Variants in CD163 observed in about 807,000 individuals in gnomAD.
CD163 encodes scavenger receptor cysteine-rich type 1 protein M130.
A neutral mutation model predicts 129.2 loss-of-function variants in CD163; 64 were observed. That is an observed-to-expected ratio of 0.50 (90% confidence interval 0.41 to 0.61). CD163 has a LOEUF of 0.61. Among genes scored for constraint, CD163 ranks in the 20% least tolerant of loss-of-function variants. The probability of loss-of-function intolerance (pLI) is 0.00; values close to 1 mark genes in which losing one functional copy is unlikely to be tolerated. For synonymous variants in CD163, 446 were observed against 478.5 expected, an observed-to-expected ratio of 0.93 and a Z score of 0.89; for missense variants, 1,061 against 1,377.9, an observed-to-expected ratio of 0.77 and a Z score of 3.64.
chr12:7,479,283 C>T (rs181413445), intron 16 of CD163, among the ~76,000 whole-genome samples: 5 of 152,242 alleles, frequency 3.3e-5, no homozygotes, highest in East Asian at 3.9e-4. Flanking sequence ...TCAGTGCTCA[C>T]GGTGCCACTT....
rs1949407210 is a variant in CD163 at position 7,496,760 on chromosome 12, T to C, written c.1099+53A>G. The C allele has an allele frequency of 6.5e-7, 1 of 1,528,270 alleles. No individual in the cohort carries two copies. Among genetic ancestry groups the C allele is most frequent in the Non-Finnish European group, 9.1e-7 (1 of 1,104,228 alleles). 94.7% of individuals were successfully genotyped at this position (1,528,270 alleles called of 1,614,324 possible). ...CTCTTAAGGAGCACAGGACTTTCCG[T>C]TTCTGCTTTTCTTTTTGTTTAGTGT... On this transcript the variant is annotated intron_variant, in intron 5 of 16. Transcript: ENST00000432237. This position sits in a 1 kb window ranked among gnomAD's most constrained non-coding sequence, Gnocchi z 4.8.
Position 7,495,408 on chromosome 12 carries a change from A to C in CD163, c.1100-7T>G. The C allele has an allele frequency of 6.2e-7, 1 of 1,611,294 alleles. No homozygotes were observed. The highest frequency in any genetic ancestry group is 8.5e-7 in the Non-Finnish European group (1 of 1,177,624). On this transcript the variant is annotated splice_region_variant and splice_polypyrimidine_tract_variant and intron_variant, in intron 5 of 16. Coordinates refer to ENST00000432237, the MANE Select transcript of CD163 (RefSeq NM_203416.4). ...AGCTCCAGATCTGATCCATCTGCAA[A>C]AGAAACATAAACTTAAACCATCGAT...
chr12:7,475,600 G>C (rs773203415), intron 16 of CD163, among the ~76,000 whole-genome samples: 1 of 152,054 alleles, frequency 6.6e-6, no homozygotes, highest in Non-Finnish European at 1.5e-5. Context: ...AAAATAATAA[G>C]AGCTAATTAT....
chr12:7,485,131 G>A lies in CD163; in HGVS notation c.2744C>T (p.Ala915Val). The change falls in exon 11 of 17, where the codon GCC becomes GTC. Residue 915 changes from alanine to valine, a missense_variant. Ala to Val is a moderately conservative substitution (Grantham distance 64). Coordinates refer to ENST00000432237, the MANE Select transcript of CD163 (RefSeq NM_203416.4). This position sits in a 1 kb window ranked among gnomAD's most constrained non-coding sequence, Gnocchi z 4.5. ...CPSSPWEKRL[A>V]SPSEETWITC... ...GATCCAGGTCTCCTCCGAGGGGCTG[G>A]CCAGTCTCTTCTCCCATGGAGATGA... 2 of 1,612,520 alleles carry A rather than the reference G, an allele frequency of 1.2e-6. No homozygotes were observed. The highest frequency in any genetic ancestry group is 1.7e-6 in the Non-Finnish European group (2 of 1,178,926).
Position 7,495,089 on chromosome 12 carries a change from G to A in CD163, c.1412C>T (p.Thr471Ile), listed in dbSNP as rs199837971. 1 of 1,613,306 alleles carries A rather than the reference G, an allele frequency of 6.2e-7. No homozygotes were observed. The highest frequency in any genetic ancestry group is 8.5e-7 in the Non-Finnish European group (1 of 1,179,262). The change falls in exon 6 of 17, where the codon ACC becomes ATC. Residue 471 changes from threonine to isoleucine, a missense_variant. Thr to Ile is a moderately conservative substitution (Grantham distance 89). Coordinates refer to ENST00000432237, the MANE Select transcript of CD163 (RefSeq NM_203416.4). Reference protein sequence around the residue: ...TCDHYEEAKITCSAHREPRLV... With the variant: ...TCDHYEEAKIICSAHREPRLV... ...TTGATTGAAAGTCATACCTGAGCAG[G>A]TAATTTTGGCTTCTTCATAGTGATC...
chr12:7,472,489 G>C (rs1296515109), intron 16 of CD163, among the ~76,000 whole-genome samples: 2 of 152,188 alleles, frequency 1.3e-5, no homozygotes. Flanking sequence ...GGGCCTGACT[G>C]TTATAAGAAA....
At chr12:7,503,161 A>T (rs1949517333) in intron 1 of CD163, among the ~76,000 whole-genome samples, 1 of 152,192 alleles carries the variant, frequency 6.6e-6, no homozygotes, top group African/African-American at 2.4e-5. Context: ...CTGTATCCTT[A>T]TCACATAATA....
Position 7,485,328 on chromosome 12 carries a change from A to G in CD163, c.2547T>C (p.Thr849=). ...LEVFYNGAWG[T]VGKSSMSETT... ...TTTCAGACATGCTACTCTTGCCAAC[A>G]GTGCCCCAAGCTCCATTGTAAAAAA... The change falls in exon 11 of 17, where the codon ACT becomes ACC. Residue 849 remains threonine, a synonymous_variant. Coordinates refer to ENST00000432237, the MANE Select transcript of CD163 (RefSeq NM_203416.4). This position sits in a 1 kb window ranked among gnomAD's most constrained non-coding sequence, Gnocchi z 4.5. 6.2e-7 allele frequency: 1 copy of G among 1,614,204 alleles called. No homozygotes were observed. The highest frequency in any genetic ancestry group is 1.1e-5 in the South Asian group (1 of 91,086).
At chr12:7,489,765 T>C (rs1949303058) in intron 6 of CD163, among the ~76,000 whole-genome samples, 2 of 152,244 alleles carry the variant, frequency 1.3e-5, no homozygotes, top group Admixed American at 1.3e-4. Context: ...ACAGTTTTCA[T>C]AGATTCCCTA....
In CD163 at chr12:7,499,138, C is replaced by T; in HGVS notation, c.508G>A (p.Gly170Arg). The change falls in exon 4 of 17, where the codon GGA becomes AGA. Residue 170 changes from glycine (G) to arginine (R), a missense_variant. Coordinates refer to ENST00000432237, the MANE Select transcript of CD163 (RefSeq NM_203416.4). ...CCTTGGAATTTGATCTCTATTCTTC[C>T]AGAACACATATTCCCTCCACGCGTC... Reference protein sequence around the residue: ...RLTRGGNMCSGRIEIKFQGRW... With the variant: ...RLTRGGNMCSRRIEIKFQGRW... The T allele has an allele frequency of 6.2e-7, 1 of 1,613,890 alleles. No homozygotes were observed. The highest frequency in any genetic ancestry group is 8.5e-7 in the Non-Finnish European group (1 of 1,179,994).
At chr12:7,475,111 A>AC (rs1362965970) in intron 16 of CD163, among the ~76,000 whole-genome samples, 1 of 150,042 alleles carries the variant, frequency 6.7e-6, no homozygotes, top group African/African-American at 2.4e-5. Flanking sequence ...AAAAAAAAAA[A>AC]AAAAAAACCA....
chr12:7,488,021 C>T lies in CD163; in HGVS notation c.1487G>A (p.Gly496Asp). ...ATCACAGATGGAGCCCCACGTGTCA[C>T]CATGCTTCACTTCAACACGTCCAGA... is the stretch of plus-strand genomic sequence containing the variant. ...PCSGRVEVKH[G>D]DTWGSICDSD... The change falls in exon 7 of 17, where the codon GGT (glycine) becomes GAT (aspartate). Residue 496 changes from glycine (G) to aspartate (D), a missense_variant. Transcript: ENST00000432237. The T allele has an allele frequency of 6.2e-7, 1 of 1,614,090 alleles. No individual in the cohort carries two copies. The highest frequency in any genetic ancestry group is 1.6e-4 in the Middle Eastern group (1 of 6,062).
chr12:7,498,057 G>A (rs1949426262), intron 4 of CD163, among the ~76,000 whole-genome samples: 1 of 151,660 alleles, frequency 6.6e-6, no homozygotes, highest in Non-Finnish European at 1.5e-5. Flanking sequence ...ATACCCTCTG[G>A]ATTTCCCAGT....
In CD163 at chr12:7,502,569, GA is replaced by G; in HGVS notation, c.47-6del. The stretch of plus-strand genomic sequence containing the variant: ...TGACAAAATGTCTTCTGAAGTCTGT[GA>G]AAAAGAAAAGAGGGCAAAAGTAGCA... On this transcript the variant is annotated splice_region_variant and splice_polypyrimidine_tract_variant and intron_variant, in intron 1 of 16. Transcript: ENST00000432237. 1.3e-6 allele frequency: 2 copies of G among 1,493,470 alleles called. No individual in the cohort carries two copies. The highest frequency in any genetic ancestry group is 1.8e-6 in the Non-Finnish European group (2 of 1,084,240). 92.5% of individuals were successfully genotyped at this position (1,493,470 alleles called of 1,614,324 possible).
Position 7,486,496 on chromosome 12 carries a change from T to C in CD163, c.2458+3A>G. 1 of 1,611,986 alleles carries C rather than the reference T, an allele frequency of 6.2e-7. No homozygotes were observed. The highest frequency in any genetic ancestry group is 8.5e-7 in the Non-Finnish European group (1 of 1,178,540). ...ATGACCAAAGGTCATATGCATAATT[T>C]ACCTGAGCAGATAACTCCCGCATCC... On this transcript the variant is annotated splice_donor_region_variant and intron_variant, in intron 10 of 16. Coordinates refer to ENST00000432237, the MANE Select transcript of CD163 (RefSeq NM_203416.4).
intron 6 of CD163, among the ~76,000 whole-genome samples, chr12:7,492,292 T>G (rs1300701191): frequency 6.6e-6 from 1 of 152,044 alleles, no homozygotes; most frequent in Admixed American, 6.6e-5. Context: ...CCACCTTAAG[T>G]TGCAAATTTA....
At chr12:7,502,738 G>A (rs1565411062) in intron 1 of CD163, 174 bp from the exon 2 acceptor site, 3 of 639,902 alleles carry the variant, frequency 4.7e-6, no homozygotes, top group Non-Finnish European at 8.4e-6. Flanking sequence ...TAGTTTCAGT[G>A]AAATGGTTTT....
chr12:7,497,154 AG>A (rs745672973), intron 4 of CD163, 21 bp from the exon 5 acceptor site: 1 of 1,593,772 alleles, frequency 6.3e-7, no homozygotes, highest in Non-Finnish European at 8.6e-7. Flanking sequence ...GACACACAAC[AG>A]GTCTGCGATA....
At chr12:7,483,937 T>G (rs1591997959) in intron 11 of CD163, among the ~76,000 whole-genome samples, 1 of 148,014 alleles carries the variant, frequency 6.8e-6, no homozygotes, top group Non-Finnish European at 1.5e-5. Flanking sequence ...GCCTCCCAGG[T>G]TCACACCATT....
Sources: gnomAD v4.1 joint callset for allele counts (sites outside exome capture counted in the v4.1 genomes callset) on GRCh38, gnomAD v4.1.1 for gene constraint, Gnocchi (gnomAD v3.1) non-coding constraint, MANE v1.5 for transcripts, NCBI Gene and HGNC (gene_info 2026-07-23, HGNC 2026-07-21) for gene names.